EYA4: variants seen among roughly 807,000 people sequenced by gnomAD.
EYA4 encodes protein phosphatase EYA4.
EYA4 carries 31 observed loss-of-function variants against 87.9 expected under a neutral mutation model. The observed-to-expected ratio is 0.35, with a 90% CI of 0.27 to 0.48. The LOEUF is 0.48. Among genes scored for constraint, EYA4 ranks in the 20% least tolerant of loss-of-function variants. EYA4 has a pLI of 0.99. For synonymous variants in EYA4, 263 were observed against 270.6 expected (o/e 0.97, Z 0.28); for missense variants, 678 against 761.4 (o/e 0.89, Z 1.29).
chr6:133,253,468 C>G (rs929863484), intron 1 of EYA4, among the ~76,000 whole-genome samples: 1 of 152,094 alleles, frequency 6.6e-6, no homozygotes, highest in Non-Finnish European at 1.5e-5. Context: ...TCTCCTTTCT[C>G]AGGTTGATTC....
chr6:133,500,310 A>G (rs1278526587), intron 13 of EYA4, among the ~76,000 whole-genome samples: 1 of 151,846 alleles, frequency 6.6e-6, no homozygotes, highest in Non-Finnish European at 1.5e-5. Flanking sequence ...GAGTCTGAGA[A>G]CTCCTGTCTT....
chr6:133,412,202 G>A (rs1789303565), intron 3 of EYA4, among the ~76,000 whole-genome samples: 1 of 152,330 alleles, frequency 6.6e-6, no homozygotes, highest in South Asian at 2.1e-4. Flanking sequence ...TATATAGCCA[G>A]ATCATGACTT....
In EYA4 at chr6:133,275,473, C is replaced by T. The variant is rs1033263651; in HGVS notation, c.33+660C>T. Among the ~76,000 whole-genome samples, 10 of 151,960 alleles carry T rather than the reference C, an allele frequency of 6.6e-5. No individual in the cohort carries two copies. The East Asian group carries it at 7.7e-4, about 12-fold the overall frequency. ...GCTGTCGTTTGAGCTGTTTTGCATA[C>T]GGACAACTCATGATGTTACAAGTAA... is the stretch of plus-strand genomic sequence containing the variant. On this transcript the variant is annotated intron_variant, in intron 2 of 19. Coordinates refer to ENST00000355286, the MANE Select transcript of EYA4 (RefSeq NM_004100.5).
intron 3 of EYA4, among the ~76,000 whole-genome samples, chr6:133,400,566 A>G (rs1219985651): frequency 1.3e-5 from 2 of 152,108 alleles, no homozygotes; most frequent in East Asian, 3.9e-4. Context: ...TTGCATAAAT[A>G]ATCTGTTCTA....
rs887729297 is a variant in EYA4 at position 133,417,880 on chromosome 6, G to A, written c.84-28750G>A. ...ATTAAAATCTGTTCTTTCCACAGGC[G>A]CCCTTTCACTCACCCCAAGCATGTA... On this transcript the variant is annotated intron_variant, in intron 3 of 19. Transcript: ENST00000355286. Among the ~76,000 whole-genome samples the A allele has an allele frequency of 3.4e-4, 52 of 152,244 alleles. 1 individual carries two copies. The highest frequency in any genetic ancestry group is 3.4e-3 in the Middle Eastern group (1 of 294).
intron 3 of EYA4, among the ~76,000 whole-genome samples, chr6:133,401,003 G>A (rs921026087): frequency 6.6e-6 from 1 of 152,136 alleles, no homozygotes; most frequent in African/African-American, 2.4e-5. Flanking sequence ...AGTGCCCATA[G>A]TGAATGAATC....
chr6:133,314,763 T>A (rs907745776), intron 2 of EYA4, among the ~76,000 whole-genome samples: 1 of 152,182 alleles, frequency 6.6e-6, no homozygotes, highest in Admixed American at 6.5e-5. Flanking sequence ...ACTGTCTTTA[T>A]TATCTTTAAC....
intron 3 of EYA4, among the ~76,000 whole-genome samples, chr6:133,444,410 G>T (rs531817870): frequency 1.3e-5 from 2 of 151,910 alleles, no homozygotes; most frequent in South Asian, 4.2e-4. Flanking sequence ...CACCTATTTG[G>T]GCCTTATCAC....
intron 19 of EYA4, among the ~76,000 whole-genome samples, chr6:133,526,379 A>T (rs1361272291): frequency 1.3e-5 from 2 of 152,186 alleles, no homozygotes; most frequent in African/African-American, 2.4e-5. Context: ...TGGAATGTTT[A>T]CCTGTTTTCA....
At chr6:133,431,846 G>A (rs1434328612) in intron 3 of EYA4, among the ~76,000 whole-genome samples, 4 of 151,956 alleles carry the variant, frequency 2.6e-5, no homozygotes. Context: ...AACTTTTTTG[G>A]CAGTGAGATT....
At chr6:133,342,599 A>AT (rs924782145) in intron 2 of EYA4, among the ~76,000 whole-genome samples, 18 of 117,204 alleles carry the variant, frequency 1.5e-4, no homozygotes, top group African/African-American at 5.9e-4. Context: ...ATATATATAT[A>AT]TATATAATTC....
intron 3 of EYA4, among the ~76,000 whole-genome samples, chr6:133,440,277 T>C (rs1792142143): frequency 6.6e-6 from 1 of 152,226 alleles, no homozygotes; most frequent in African/African-American, 2.4e-5. Context: ...TAAATAAATA[T>C]GTACACATAT....
chr6:133,383,011 T>A (rs17062407), intron 3 of EYA4, among the ~76,000 whole-genome samples: 4,853 of 151,934 alleles, frequency 0.032, 114 homozygotes, highest in Middle Eastern at 0.072. Context: ...GCCCAACAGA[T>A]TTTTTTAGAC....
At chr6:133,373,238 A>G (rs1341836611) in intron 2 of EYA4, among the ~76,000 whole-genome samples, 3 of 152,038 alleles carry the variant, frequency 2.0e-5, no homozygotes, top group Admixed American at 1.3e-4. Flanking sequence ...GTTAAGTGGT[A>G]GAGCACTGGC....
At chr6:133,506,930 C>T (rs1398305287) in intron 14 of EYA4, among the ~76,000 whole-genome samples, 1 of 152,114 alleles carries the variant, frequency 6.6e-6, no homozygotes, top group Non-Finnish European at 1.5e-5. Context: ...CTAAATAGTT[C>T]AGGTTCTTGG....
At chr6:133,411,569 A>G (rs887695293) in intron 3 of EYA4, among the ~76,000 whole-genome samples, 3 of 152,032 alleles carry the variant, frequency 2.0e-5, no homozygotes, top group African/African-American at 7.3e-5. Context: ...CTATCTATAT[A>G]TATATATATT....
chr6:133,381,017 C>T (rs1285496725), intron 2 of EYA4, among the ~76,000 whole-genome samples: 1 of 149,508 alleles, frequency 6.7e-6, no homozygotes, highest in African/African-American at 2.5e-5. Flanking sequence ...ATCCCCTCCT[C>T]CTTCTCTACC....
intron 3 of EYA4, among the ~76,000 whole-genome samples, chr6:133,395,421 A>G (rs538121422): frequency 6.6e-6 from 1 of 152,150 alleles, no homozygotes; most frequent in Non-Finnish European, 1.5e-5. Flanking sequence ...CGTATGCCAT[A>G]TAAGAAGGTT....
chr6:133,306,399 A>G (rs1779813733), intron 2 of EYA4, among the ~76,000 whole-genome samples: 1 of 152,226 alleles, frequency 6.6e-6, no homozygotes, highest in Non-Finnish European at 1.5e-5. Flanking sequence ...ATCTGTAGCC[A>G]GTAACTGGTA....
Sources: allele counts gnomAD v4.1 joint callset (sites outside exome capture counted in the v4.1 genomes callset), GRCh38; gene constraint gnomAD v4.1.1; transcripts MANE v1.5; gene names NCBI Gene and HGNC (gene_info 2026-07-23, HGNC 2026-07-21).